CDC5L: variants seen among roughly 807,000 people sequenced by gnomAD.
CDC5L encodes cell division cycle 5-like protein.
In CDC5L, 18 loss-of-function variants were observed where a neutral mutation model predicts 104.1. That is an observed-to-expected ratio of 0.17 (90% CI 0.12 to 0.26). The LOEUF (loss-of-function observed/expected upper bound fraction) is 0.26, where lower values mean the gene tolerates loss of function less well. Ranked by LOEUF, CDC5L falls within the 10% of genes least tolerant of loss-of-function variation. CDC5L has a pLI of 1.00. For synonymous variants in CDC5L, 331 were observed against 322.7 expected, an observed-to-expected ratio of 1.03 and a Z score of -0.28; for missense variants, 673 against 956.9, an observed-to-expected ratio of 0.70 and a Z score of 3.91.
At chr6:44,435,956 AT>A (rs1792917107) in intron 14 of CDC5L, among the ~76,000 whole-genome samples, 1 of 151,702 alleles carries the variant, frequency 6.6e-6, no homozygotes, top group Non-Finnish European at 1.5e-5. Context: ...TAATTTTTGT[AT>A]TTTAGTAGAG....
intron 5 of CDC5L, among the ~76,000 whole-genome samples, chr6:44,397,159 G>A (rs886925948): frequency 3.9e-5 from 6 of 152,200 alleles, no homozygotes; most frequent in Non-Finnish European, 8.8e-5. Flanking sequence ...TAATCCTGCC[G>A]TGGTCTTTCT....
rs1454555505 is a variant in CDC5L at position 44,447,265 on chromosome 6, A to G, written c.*554A>G. 1 of 150,884 alleles carries G rather than the reference A, an allele frequency of 6.6e-6. No homozygotes were observed. Among genetic ancestry groups the G allele is most frequent in the East Asian group, 2.0e-4 (1 of 5,128 alleles). 9.3% of individuals were successfully genotyped at this position (150,884 alleles called of 1,614,324 possible). On this transcript the variant is annotated 3_prime_UTR_variant, in exon 16 of 16. Coordinates refer to ENST00000371477, the MANE Select transcript of CDC5L (RefSeq NM_001253.4). ...GTTAGATTAACTTTTTAGTACCTCAAATTTTTTTTTTGTTAATATCACTTT... is the reference window on the plus strand; with the variant it reads ...GTTAGATTAACTTTTTAGTACCTCAGATTTTTTTTTTGTTAATATCACTTT...
At chr6:44,398,163 G>A (rs574705889) in intron 5 of CDC5L, among the ~76,000 whole-genome samples, 5 of 152,156 alleles carry the variant, frequency 3.3e-5, no homozygotes, top group African/African-American at 4.8e-5. Flanking sequence ...AGCTTATTTG[G>A]GGGTATTAGC....
chr6:44,414,172 C>T (rs561341661), intron 8 of CDC5L, among the ~76,000 whole-genome samples: 1 of 152,228 alleles, frequency 6.6e-6, no homozygotes, highest in South Asian at 2.1e-4. Flanking sequence ...CTCAACTTCT[C>T]TGGTTCAAGC....
chr6:44,408,994 G>A (rs1156397764), intron 8 of CDC5L, among the ~76,000 whole-genome samples: 1 of 152,176 alleles, frequency 6.6e-6, no homozygotes, highest in East Asian at 1.9e-4. Flanking sequence ...TAGTGTGCCC[G>A]CAGTTCTACT....
intron 8 of CDC5L, among the ~76,000 whole-genome samples, chr6:44,411,168 G>A (rs959317997): frequency 3.3e-5 from 5 of 151,972 alleles, no homozygotes; most frequent in Admixed American, 6.6e-5. Flanking sequence ...AATGTCCGGT[G>A]CTCTTTGCCT....
At chr6:44,398,707 A>G (rs967603012) in intron 5 of CDC5L, among the ~76,000 whole-genome samples, 7 of 152,188 alleles carry the variant, frequency 4.6e-5, no homozygotes, top group African/African-American at 1.4e-4. Flanking sequence ...TTCATTTAGC[A>G]TTATTGTGTA....
At chr6:44,406,796 G>A (rs545336776) in intron 7 of CDC5L, among the ~76,000 whole-genome samples, 1 of 152,042 alleles carries the variant, frequency 6.6e-6, no homozygotes, top group Non-Finnish European at 1.5e-5. Flanking sequence ...ACCTGTAATC[G>A]CAGCTACTTG....
chr6:44,387,921 T>C, intron 1 of CDC5L, 53 bp downstream of exon 1: 2 of 1,532,750 alleles, frequency 1.3e-6, no homozygotes, highest in Non-Finnish European at 1.8e-6. Context: ...TAGCAGCTTG[T>C]GCGCACGCGC....
chr6:44,390,598 G>T (rs1209645227), intron 2 of CDC5L, among the ~76,000 whole-genome samples: 1 of 152,002 alleles, frequency 6.6e-6, no homozygotes, highest in Non-Finnish European at 1.5e-5. Flanking sequence ...TCCCAATTAG[G>T]GATAATAATA....
chr6:44,422,072 A>C (rs1792210134), intron 9 of CDC5L, among the ~76,000 whole-genome samples: 2 of 152,230 alleles, frequency 1.3e-5, no homozygotes, highest in Admixed American at 1.3e-4. Context: ...GTTGCTGCAA[A>C]ATCTGTGGAT....
At chr6:44,391,217 T>C (rs1267391983) in intron 2 of CDC5L, among the ~76,000 whole-genome samples, 3 of 149,828 alleles carry the variant, frequency 2.0e-5, no homozygotes, top group African/African-American at 7.3e-5. Context: ...TTAAAAGATA[T>C]AAGCCAACTC....
At chr6:44,432,467 C>T (rs1229800355) in intron 14 of CDC5L, among the ~76,000 whole-genome samples, 1 of 151,996 alleles carries the variant, frequency 6.6e-6, no homozygotes, top group African/African-American at 2.4e-5. Flanking sequence ...CTATCACTGC[C>T]TATCAAGCAA....
intron 5 of CDC5L, among the ~76,000 whole-genome samples, chr6:44,402,608 A>G (rs1052715450): frequency 2.6e-5 from 4 of 152,204 alleles, no homozygotes; most frequent in Non-Finnish European, 5.9e-5. Flanking sequence ...AAATCATTAC[A>G]GTTATAGCAA....
intron 14 of CDC5L, among the ~76,000 whole-genome samples, chr6:44,434,063 A>G (rs1040032377): frequency 2.6e-5 from 4 of 152,172 alleles, no homozygotes; most frequent in Non-Finnish European, 5.9e-5. Flanking sequence ...CTCTTTCCCA[A>G]ATTCTGTTCT....
At chr6:44,391,109 A>G (rs1790595090) in intron 2 of CDC5L, among the ~76,000 whole-genome samples, 1 of 143,256 alleles carries the variant, frequency 7.0e-6, no homozygotes, top group Non-Finnish European at 1.5e-5. Context: ...GTTATATATT[A>G]TATATTAAAC....
chr6:44,428,978 C>G (rs983818564), intron 13 of CDC5L, among the ~76,000 whole-genome samples: 3 of 148,212 alleles, frequency 2.0e-5, no homozygotes, highest in Admixed American at 6.7e-5. Flanking sequence ...GTGGTCTTAA[C>G]AAGTGGTTGA....
At position 44,448,090 on chromosome 6, in the gene CDC5L, C is replaced by T. The variant is rs1561983248; in HGVS notation, c.*1379C>T. Reference sequence around the variant, plus strand: ...ACTATAAGCTGCACGGCCAAAGAGACCTCTTAAAGAAGTAACATTTAAGAT... The same window carrying T: ...ACTATAAGCTGCACGGCCAAAGAGATCTCTTAAAGAAGTAACATTTAAGAT... On this transcript the variant is annotated 3_prime_UTR_variant, in exon 16 of 16. Coordinates refer to ENST00000371477, the MANE Select transcript of CDC5L (RefSeq NM_001253.4). 2.0e-5 allele frequency: 3 copies of T among 151,710 alleles called. No individual in the cohort carries two copies. Among genetic ancestry groups the T allele is most frequent in the Non-Finnish European group, 4.4e-5 (3 of 68,014 alleles). 9.4% of individuals were successfully genotyped at this position (151,710 alleles called of 1,614,324 possible). A position where few individuals can be genotyped will look rare whatever the true frequency, so the allele number is the denominator to read the frequency against.
chr6:44,430,094 TTTTG>T (rs1792608982), intron 14 of CDC5L, among the ~76,000 whole-genome samples, 184 bp downstream of exon 14: 2 of 151,760 alleles, frequency 1.3e-5, no homozygotes, highest in Admixed American at 1.3e-4. Context: ...TTTTTGTTTG[TTTTG>T]TTTTTGTTTT....
Sources: gnomAD v4.1 joint callset for allele counts (sites outside exome capture counted in the v4.1 genomes callset) on GRCh38, gnomAD v4.1.1 for gene constraint, MANE v1.5 for transcripts, NCBI Gene and HGNC (gene_info 2026-07-23, HGNC 2026-07-21) for gene names.